Variants in ENOX1 observed in about 807,000 individuals in gnomAD.
ENOX1 encodes ecto-NOX disulfide-thiol exchanger 1.
Under a neutral mutation model 82.5 loss-of-function variants are expected in ENOX1, and 42 were observed. That is an observed-to-expected ratio of 0.51 (90% CI 0.40 to 0.66). The LOEUF (loss-of-function observed/expected upper bound fraction) is 0.66, where lower values mean the gene tolerates loss of function less well. Ranked by LOEUF, ENOX1 falls within the 30% of genes least tolerant of loss-of-function variation. ENOX1 has a pLI of 0.00. For missense variants in ENOX1, 608 were observed against 811.6 expected (o/e 0.75, Z 3.05); for synonymous variants, 271 against 282.2 (o/e 0.96, Z 0.40).
At chr13:43,615,553 T>C (rs902736882) in intron 2 of ENOX1, among the ~76,000 whole-genome samples, 6 of 152,156 alleles carry the variant, frequency 3.9e-5, no homozygotes, top group African/African-American at 1.4e-4. Context: ...CCTGGAACCA[T>C]GCCTGATCTA....
chr13:43,319,452 C>T (rs1415570979), intron 11 of ENOX1, among the ~76,000 whole-genome samples: 2 of 152,092 alleles, frequency 1.3e-5, no homozygotes, highest in Non-Finnish European at 2.9e-5. Flanking sequence ...TATATTGAAA[C>T]ATTTTGATTA....
chr13:43,443,747 C>T (rs1484602988), intron 3 of ENOX1, among the ~76,000 whole-genome samples: 3 of 152,018 alleles, frequency 2.0e-5, no homozygotes, highest in East Asian at 1.9e-4. Context: ...GAAGCTCACC[C>T]GAGGAGGTGA....
intron 2 of ENOX1, among the ~76,000 whole-genome samples, chr13:43,489,401 A>G (rs2076542664): frequency 6.6e-6 from 1 of 152,210 alleles, no homozygotes; most frequent in African/African-American, 2.4e-5. Context: ...TCTGAGGCTT[A>G]CAGAGTGCAA....
At chr13:43,218,255 T>C (rs1241987877) in intron 16 of ENOX1, among the ~76,000 whole-genome samples, 5 of 152,206 alleles carry the variant, frequency 3.3e-5, no homozygotes, top group Admixed American at 6.5e-5. Context: ...GCCACAAAGA[T>C]GCAAATAATA....
intron 1 of ENOX1, among the ~76,000 whole-genome samples, chr13:43,705,456 G>A (rs1011875626): frequency 1.3e-5 from 2 of 150,646 alleles, no homozygotes; most frequent in African/African-American, 4.9e-5. Context: ...TAAATGTAAA[G>A]ATATATGCAA....
chr13:43,284,093 T>C (rs1450956885), intron 12 of ENOX1, among the ~76,000 whole-genome samples: 1 of 152,140 alleles, frequency 6.6e-6, no homozygotes, highest in Non-Finnish European at 1.5e-5. Flanking sequence ...GGGATTAATT[T>C]TTGTAAATGT....
intron 3 of ENOX1, among the ~76,000 whole-genome samples, chr13:43,423,966 CAG>C (rs1430603156): frequency 2.0e-5 from 3 of 152,112 alleles, no homozygotes; most frequent in African/African-American, 7.2e-5. Flanking sequence ...ACTCCTGAGA[CAG>C]AGCAAGAGAG....
intron 12 of ENOX1, among the ~76,000 whole-genome samples, chr13:43,290,473 T>C (rs1295191194): frequency 6.6e-6 from 1 of 152,146 alleles, no homozygotes; most frequent in Non-Finnish European, 1.5e-5. Context: ...GTTGGAGGCC[T>C]TAATCCTAAA....
At chr13:43,250,483 T>C (rs1012202758) in intron 14 of ENOX1, among the ~76,000 whole-genome samples, 3 of 152,230 alleles carry the variant, frequency 2.0e-5, no homozygotes, top group Non-Finnish European at 4.4e-5. Context: ...CGGCTAGTTA[T>C]GGGTCCACTG....
intron 14 of ENOX1, among the ~76,000 whole-genome samples, chr13:43,258,281 T>G (rs148563391): frequency 6.6e-6 from 1 of 152,322 alleles, no homozygotes; most frequent in Non-Finnish European, 1.5e-5. Context: ...TTTGCAATCA[T>G]TGACCTTTTC....
intron 1 of ENOX1, among the ~76,000 whole-genome samples, chr13:43,778,837 C>A (rs1233724856): frequency 6.6e-6 from 1 of 152,142 alleles, no homozygotes; most frequent in Non-Finnish European, 1.5e-5. Flanking sequence ...ATGGGCAGGG[C>A]AGGGCAGGGC....
intron 1 of ENOX1, among the ~76,000 whole-genome samples, chr13:43,673,540 A>C (rs968297042): frequency 6.6e-6 from 1 of 152,224 alleles, no homozygotes; most frequent in Non-Finnish European, 1.5e-5. Flanking sequence ...ACTCAGCTTC[A>C]CTTGGTTTGG....
chr13:43,630,793 T>C (rs2153750677), intron 2 of ENOX1, among the ~76,000 whole-genome samples: 2 of 152,134 alleles, frequency 1.3e-5, no homozygotes, highest in East Asian at 3.9e-4. Context: ...TTTTGGAATA[T>C]TTTATTCTAG....
intron 1 of ENOX1, among the ~76,000 whole-genome samples, chr13:43,671,839 T>C (rs776366976): frequency 2.6e-5 from 4 of 152,168 alleles, no homozygotes; most frequent in Non-Finnish European, 4.4e-5. Flanking sequence ...AAGAGCGAGA[T>C]AGCAAGTCAC....
chr13:43,397,930 T>C (rs1182914131), intron 5 of ENOX1, among the ~76,000 whole-genome samples: 2 of 152,244 alleles, frequency 1.3e-5, no homozygotes, highest in Non-Finnish European at 2.9e-5. Context: ...ACTTGGAAGA[T>C]GTGCCATCTG....
At position 43,243,984 on chromosome 13, in the gene ENOX1, A is replaced by T. The variant is rs994252070; in HGVS notation, c.1612-7246T>A. 1.3e-4 allele frequency among the ~76,000 whole-genome samples: 20 copies of T among 151,812 alleles called. No individual in the cohort carries two copies. In the East Asian group the frequency reaches 1.5e-3, roughly 12 times the overall value. The stretch of plus-strand genomic sequence containing the variant: ...CTTATCTGCACACATTTCCTACGCC[A>T]CTTATATGGCAGTTCATCACTTATA... On this transcript the variant is annotated intron_variant, in intron 14 of 16. Transcript: ENST00000690772.
intron 2 of ENOX1, among the ~76,000 whole-genome samples, chr13:43,523,142 A>G (rs1363564564): frequency 2.0e-5 from 3 of 152,172 alleles, no homozygotes; most frequent in Non-Finnish European, 2.9e-5. Context: ...CCTTTCAAAG[A>G]TATCTACTTC....
intron 3 of ENOX1, chr13:43,459,134 G>A (rs565687035): frequency 1.3e-5 from 2 of 152,272 alleles, no homozygotes; most frequent in South Asian, 2.1e-4. Context: ...AATCTATTAC[G>A]ATTTCAATGA....
At chr13:43,272,443 G>T (rs1039522532) in intron 12 of ENOX1, among the ~76,000 whole-genome samples, 1 of 152,176 alleles carries the variant, frequency 6.6e-6, no homozygotes, top group Non-Finnish European at 1.5e-5. Context: ...CCTGTCAGTG[G>T]TGTGTAAGAG....
Sources: allele counts gnomAD v4.1 joint callset (sites outside exome capture counted in the v4.1 genomes callset), GRCh38; gene constraint gnomAD v4.1.1; transcripts MANE v1.5; gene names NCBI Gene and HGNC (gene_info 2026-07-23, HGNC 2026-07-21).